The following TLK2 variants were observed in gnomAD, a reference collection of about 807,000 sequenced individuals.
TLK2 encodes the protein serine/threonine-protein kinase tousled-like 2.
A neutral mutation model predicts 117.3 loss-of-function variants in TLK2; 6 were observed. The ratio of observed to expected loss-of-function variants is 0.05; its 90% confidence interval spans 0.03 to 0.10. TLK2 has a LOEUF of 0.10. TLK2 is among the 10% of genes least tolerant of loss of function. The pLI is 1.00. For missense variants in TLK2, 299 were observed against 901.2 expected, an observed-to-expected ratio of 0.33 and a Z score of 8.56; for synonymous variants, 257 against 316.7, an observed-to-expected ratio of 0.81 and a Z score of 2.00.
upstream of TLK2, among the ~76,000 whole-genome samples, chr17:62,476,085 T>C (rs986804790): frequency 7.9e-5 from 12 of 152,144 alleles, no homozygotes; most frequent in African/African-American, 2.9e-4. Context: ...TCAAGCAAAA[T>C]TCTCCTGTCT....
At chr17:62,573,593 A>G (rs1013467038) in intron 12 of TLK2, among the ~76,000 whole-genome samples, 7 of 152,352 alleles carry the variant, frequency 4.6e-5, no homozygotes, top group South Asian at 4.1e-4. Flanking sequence ...GGGAAAAGTA[A>G]TGTCACTTGA....
intron 1 of TLK2, among the ~76,000 whole-genome samples, chr17:62,471,560 T>C (rs2070939658): frequency 6.6e-6 from 1 of 152,172 alleles, no homozygotes; most frequent in African/African-American, 2.4e-5. Context: ...TCTCCTCTCA[T>C]TCATCTGGCC....
intron 16 of TLK2, among the ~76,000 whole-genome samples, chr17:62,593,395 T>G (rs1338326079): frequency 2.6e-5 from 4 of 152,180 alleles, no homozygotes; most frequent in Non-Finnish European, 4.4e-5. Context: ...ACATTTTTGC[T>G]GTAGAAACTG....
intron 4 of TLK2, among the ~76,000 whole-genome samples, chr17:62,522,834 T>G (rs1049645008): frequency 5.3e-5 from 8 of 152,338 alleles, no homozygotes; most frequent in African/African-American, 1.9e-4. Context: ...CCTTCTTATC[T>G]TTTAAAATCT....
At chr17:62,586,801 A>G (rs966146316) in intron 16 of TLK2, among the ~76,000 whole-genome samples, 1 of 150,382 alleles carries the variant, frequency 6.6e-6, no homozygotes, top group East Asian at 2.0e-4. Flanking sequence ...AGCCTGGGTG[A>G]TGGTGCGAGT....
At chr17:62,487,734 C>T (rs943391892) in intron 2 of TLK2, among the ~76,000 whole-genome samples, 1 of 147,502 alleles carries the variant, frequency 6.8e-6, no homozygotes, top group Non-Finnish European at 1.5e-5. Context: ...AGTGATTCTC[C>T]TGCCTCAGCC....
intron 2 of TLK2, among the ~76,000 whole-genome samples, chr17:62,485,857 G>C (rs1318113556): frequency 8.2e-6 from 1 of 122,016 alleles, no homozygotes; most frequent in Non-Finnish European, 1.6e-5. Flanking sequence ...ATCTCACTCT[G>C]TCGCCCAGGC....
chr17:62,562,407 T>C (rs1365454900), intron 10 of TLK2, among the ~76,000 whole-genome samples: 1 of 152,206 alleles, frequency 6.6e-6, no homozygotes, highest in Non-Finnish European at 1.5e-5. Flanking sequence ...TGCAATGTTA[T>C]CTTTCATAGA....
rs1434545381 is a variant in TLK2, at chr17:62,478,839, C to T, written c.-457C>T. Among the ~76,000 whole-genome samples the T allele has an allele frequency of 2.0e-5, 3 of 149,828 alleles. No homozygotes were observed. Among genetic ancestry groups the T allele is most frequent in the Non-Finnish European group, 3.0e-5 (2 of 67,322 alleles). On this transcript the variant is annotated 5_prime_UTR_variant, in exon 1 of 22. Transcript: ENST00000346027. The stretch of plus-strand genomic sequence containing the variant: ...TTACACCGATCACTACTAATCCGGA[C>T]CGAACCGATCCGGATTAAGGGGCCG...
chr17:62,563,661 G>A (rs1016856707), intron 10 of TLK2, among the ~76,000 whole-genome samples: 6 of 151,998 alleles, frequency 3.9e-5, no homozygotes, highest in Non-Finnish European at 7.3e-5. Flanking sequence ...TCTTTACCGC[G>A]TCTGTACTTA....
chr17:62,612,418 C>T lies in TLK2; in HGVS notation c.2106C>T (p.Tyr702=), dbSNP rs926266164. Residue 702 remains tyrosine, a synonymous_variant, in exon 22 of 22, where the codon TAC becomes TAT. Coordinates refer to ENST00000346027, the MANE Select transcript of TLK2 (RefSeq NM_006852.6). The part of the protein sequence containing the change: ...AKAFIRRCLA[Y]RKEDRIDVQQ... ...CGTTTATTCGACGATGCTTGGCCTA[C>T]CGAAAGGAGGACCGCATTGATGTCC... is the stretch of plus-strand genomic sequence containing the variant. 6 of 1,613,932 alleles carry T rather than the reference C, an allele frequency of 3.7e-6. No homozygotes were observed. The highest frequency in any genetic ancestry group is 4.2e-6 in the Non-Finnish European group (5 of 1,179,918).
intron 2 of TLK2, among the ~76,000 whole-genome samples, chr17:62,491,595 T>G (rs1165067410): frequency 6.6e-6 from 1 of 152,114 alleles, no homozygotes; most frequent in Non-Finnish European, 1.5e-5. Flanking sequence ...ATATATTTAT[T>G]TATTTATTTT....
At chr17:62,556,394 G>A (rs1399280109) in intron 9 of TLK2, among the ~76,000 whole-genome samples, 1 of 152,070 alleles carries the variant, frequency 6.6e-6, no homozygotes, top group Admixed American at 6.6e-5. Flanking sequence ...TGTTTTATCT[G>A]TTGATGGTGG....
intron 2 of TLK2, chr17:62,516,690 A>G: frequency 1.9e-6 from 3 of 1,608,818 alleles, no homozygotes; most frequent in Non-Finnish European, 2.5e-6. Flanking sequence ...GCATGTGGAC[A>G]TCCTTCTTGG....
chr17:62,593,376 C>T (rs1399061761), intron 16 of TLK2, among the ~76,000 whole-genome samples: 2 of 152,146 alleles, frequency 1.3e-5, no homozygotes, highest in African/African-American at 4.8e-5. Context: ...TTAACCTTCA[C>T]TTACTGTAAC....
chr17:62,483,690 A>T (rs947000617), intron 2 of TLK2, among the ~76,000 whole-genome samples: 1 of 151,998 alleles, frequency 6.6e-6, no homozygotes, highest in Admixed American at 6.6e-5. Context: ...TTTAGTAGAG[A>T]TGGGGTTTTA....
chr17:62,600,595 A>G (rs1347577576), intron 17 of TLK2, 56 bp from the exon 18 acceptor site: 2 of 1,453,112 alleles, frequency 1.4e-6, no homozygotes, highest in East Asian at 4.7e-5. Flanking sequence ...TAATTTAGGT[A>G]GTGTTAATCT....
intron 15 of TLK2, among the ~76,000 whole-genome samples, chr17:62,584,575 G>A (rs931801898): frequency 3.9e-5 from 6 of 152,246 alleles, no homozygotes; most frequent in Middle Eastern, 3.4e-3. Flanking sequence ...AATATTTTGA[G>A]AGGCCAAGGT....
At chr17:62,480,970 A>G (rs1162796170) in intron 1 of TLK2, among the ~76,000 whole-genome samples, 151 bp from the exon 2 acceptor site, 1 of 152,258 alleles carries the variant, frequency 6.6e-6, no homozygotes, top group East Asian at 1.9e-4. Flanking sequence ...GATGCAGCAC[A>G]TAGTAGTCTA....
Sources: allele counts gnomAD v4.1 joint callset (sites outside exome capture counted in the v4.1 genomes callset), GRCh38; gene constraint gnomAD v4.1.1; transcripts MANE v1.5; gene names NCBI Gene and HGNC (gene_info 2026-07-23, HGNC 2026-07-21).